Variants in TBR1 observed in about 807,000 individuals in gnomAD.
The protein encoded by TBR1 is T-box brain protein 1.
Under a neutral mutation model 60.3 loss-of-function variants are expected in TBR1, and 7 were observed. The ratio of observed to expected loss-of-function variants is 0.12; its 90% CI spans 0.07 to 0.22. TBR1 has a LOEUF of 0.22. TBR1 is among the 10% of genes least tolerant of loss of function. The pLI is 1.00. For synonymous variants in TBR1, 417 were observed against 409.9 expected (o/e 1.02, Z -0.21); for missense variants, 616 against 936.8 (o/e 0.66, Z 4.47).
intron 3 of TBR1, chr2:161,418,623 G>A (rs75192661): frequency 3.6e-6 from 2 of 551,554 alleles, no homozygotes; most frequent in Non-Finnish European, 6.2e-6. Context: ...CCTCCTTACA[G>A]GAGGACTAGG....
chr2:161,419,199 G>A (rs1684185619), intron 4 of TBR1, 149 bp downstream of exon 4: 1 of 1,163,526 alleles, frequency 8.6e-7, no homozygotes, highest in Non-Finnish European at 1.2e-6. Flanking sequence ...CTTAGGGCTC[G>A]GGGCCTGCCC....
At chr2:161,420,100 C>T (rs1684203167) in intron 4 of TBR1, 96 bp from the exon 5 acceptor site, 1 of 1,015,664 alleles carries the variant, frequency 9.8e-7, no homozygotes, top group Non-Finnish European at 1.5e-6. Flanking sequence ...AAATTGTAGG[C>T]CTTAAGCCCC....
At position 161,424,826 on chromosome 2, in the gene TBR1, G is replaced by A. The variant is rs1204665051; in HGVS notation, c.*599G>A. On this transcript the variant is annotated 3_prime_UTR_variant, in exon 6 of 6. Coordinates refer to ENST00000389554, the MANE Select transcript of TBR1 (RefSeq NM_006593.4). This position sits in a 1 kb window ranked among gnomAD's most constrained non-coding sequence, Gnocchi z 4.4. ...TTATTCTCGTCAAGGCACAAAACCAGTTCATGCTTAACCTTTTTTTCCTTT... is the reference window on the plus strand; with the variant it reads ...TTATTCTCGTCAAGGCACAAAACCAATTCATGCTTAACCTTTTTTTCCTTT... 1 of 152,652 alleles carries A rather than the reference G, an allele frequency of 6.6e-6. No homozygotes were observed. The highest frequency in any genetic ancestry group is 2.4e-5 in the African/African-American group (1 of 41,446). 9.5% of individuals were successfully genotyped at this position (152,652 alleles called of 1,614,324 possible).
At position 161,423,389 on chromosome 2, in the gene TBR1, T is replaced by C; in HGVS notation, c.1211T>C (p.Met404Thr). ...NYDTIYTGCDMDRLTPSPNDS... is the reference protein window; with the variant it reads ...NYDTIYTGCDTDRLTPSPNDS... Reference sequence around the variant, plus strand: ...CGCAGGATCTACACCGGCTGTGACATGGACCGCCTGACCCCCTCGCCCAAC... The same window carrying C: ...CGCAGGATCTACACCGGCTGTGACACGGACCGCCTGACCCCCTCGCCCAAC... The change falls in exon 6 of 6, where the codon ATG becomes ACG. Residue 404 changes from methionine (M) to threonine (T), a missense_variant. Met to Thr is a moderately conservative substitution (Grantham distance 81). Coordinates refer to ENST00000389554, the MANE Select transcript of TBR1 (RefSeq NM_006593.4). The C allele has an allele frequency of 2.1e-6, 3 of 1,406,872 alleles. No individual in the cohort carries two copies. Among genetic ancestry groups the C allele is most frequent in the Non-Finnish European group, 2.8e-6 (3 of 1,056,368 alleles). The allele number at this position is 1,406,872 out of a possible 1,614,324, so 87.1% of individuals were successfully genotyped here. A position where few individuals can be genotyped will look rare whatever the true frequency, so the allele number is the denominator to read the frequency against.
intron 3 of TBR1, 104 bp downstream of exon 3, chr2:161,418,426 T>C: frequency 1.4e-6 from 2 of 1,436,556 alleles, no homozygotes; most frequent in Non-Finnish European, 1.9e-6. Context: ...ACACGTTTCT[T>C]TGCTTCATTA....
intron 3 of TBR1, 37 bp from the exon 4 acceptor site, chr2:161,418,855 A>C (rs1684179340): frequency 2.5e-6 from 4 of 1,595,390 alleles, no homozygotes; most frequent in Non-Finnish European, 3.4e-6. Context: ...CCGCGTTAAC[A>C]CGCCACCCGG....
chr2:161,424,241 G>C lies in TBR1; in HGVS notation c.*14G>C, dbSNP rs868241260. The C allele has an allele frequency of 1.3e-6, 2 of 1,531,622 alleles. No homozygotes were observed. The highest frequency in any genetic ancestry group is 1.8e-6 in the Non-Finnish European group (2 of 1,132,504). The allele number at this position is 1,531,622 out of a possible 1,614,324, so 94.9% of individuals were successfully genotyped here. ...TCGCACAGCTAGGCCGCCCCTGCCC[G>C]CCCGGCCCCGCCGCGGCCCGGACCC... On this transcript the variant is annotated 3_prime_UTR_variant, in exon 6 of 6. Transcript: ENST00000389554. The surrounding 1 kb of genome is among the most constrained non-coding windows in gnomAD (Gnocchi z 4.4).
intron 3 of TBR1, 152 bp from the exon 4 acceptor site, chr2:161,418,725 CCCAGCCAGCCAGCCG>C: frequency 1.0e-6 from 1 of 968,964 alleles, no homozygotes; most frequent in East Asian, 3.0e-5. Context: ...GCCGGTCTGC[CCCAGCCAGCCAGCCG>C]CCAGCCAGGC....
At position 161,424,706 on chromosome 2, in the gene TBR1, A is replaced by G. The variant is rs1452172616; in HGVS notation, c.*479A>G. 1 of 155,518 alleles carries G rather than the reference A, an allele frequency of 6.4e-6. No individual in the cohort carries two copies. Among genetic ancestry groups the G allele is most frequent in the Non-Finnish European group, 1.4e-5 (1 of 70,030 alleles). The allele number at this position is 155,518 out of a possible 1,614,324, so 9.6% of individuals were successfully genotyped here. On this transcript the variant is annotated 3_prime_UTR_variant, in exon 6 of 6. Transcript: ENST00000389554. This position sits in a 1 kb window ranked among gnomAD's most constrained non-coding sequence, Gnocchi z 4.4. ...TTCTTATCCCCGAGTGGATGGATGG[A>G]TGGATGGATGGTAGGGATGTTAATA...
rs751637728 is a variant in TBR1, at chr2:161,424,276, C to T, written c.*49C>T. 2.7e-6 allele frequency: 4 copies of T among 1,494,614 alleles called. No homozygotes were observed. In the South Asian group the frequency reaches 5.3e-5, roughly 20 times the overall value. 92.6% of individuals were successfully genotyped at this position (1,494,614 alleles called of 1,614,324 possible). On this transcript the variant is annotated 3_prime_UTR_variant, in exon 6 of 6. Coordinates refer to ENST00000389554, the MANE Select transcript of TBR1 (RefSeq NM_006593.4). This position sits in a 1 kb window ranked among gnomAD's most constrained non-coding sequence, Gnocchi z 4.4. The stretch of plus-strand genomic sequence containing the variant: ...GCCGCGGCCCGGACCCCCAGCCAGC[C>T]CCTCACAGCTCTTCCCCAGCTCCGC...
At position 161,425,777 on chromosome 2, in the gene TBR1, A is replaced by G. The variant is rs938908013; in HGVS notation, c.*1550A>G. On this transcript the variant is annotated 3_prime_UTR_variant, in exon 6 of 6. Transcript: ENST00000389554. The stretch of plus-strand genomic sequence containing the variant: ...GTTTTGTCTGTGAACTGAATAATTT[A>G]TACAAGAACACACTCCATTGAGAAA... The G allele has an allele frequency of 3.3e-5, 5 of 152,226 alleles. No individual in the cohort carries two copies. The highest frequency in any genetic ancestry group is 1.2e-4 in the African/African-American group (5 of 41,444). The allele number at this position is 152,226 out of a possible 1,614,324, so 9.4% of individuals were successfully genotyped here.
At position 161,416,627 on chromosome 2, in the gene TBR1, G is replaced by T. The variant is rs1401711125; in HGVS notation, c.217G>T (p.Asp73Tyr). The T allele has an allele frequency of 6.2e-7, 1 of 1,614,020 alleles. No homozygotes were observed. Among genetic ancestry groups the T allele is most frequent in the African/African-American group, 1.3e-5 (1 of 74,902 alleles). ...TACAGACAATTTTCCTGACTCCAAG[G>T]ACTCACCAGGGGACGTCCAGAGAAG... is the stretch of plus-strand genomic sequence containing the variant. ...SDTDNFPDSK[D>Y]SPGDVQRSKL... The change falls in exon 1 of 6, where the codon GAC becomes TAC. Residue 73 changes from aspartate (D) to tyrosine (Y), a missense_variant. Around this residue, in one of 8 missense-constraint regions of TBR1, gnomAD observed 211 missense variants for 268.7 expected, o/e 0.79. Transcript: ENST00000389554. This position sits in a 1 kb window ranked among gnomAD's most constrained non-coding sequence, Gnocchi z 6.1.
Position 161,420,196 on chromosome 2 carries a change from A to G in TBR1, c.1129A>G (p.Ile377Val). 6.2e-7 allele frequency: 1 copy of G among 1,613,024 alleles called. No homozygotes were observed. The highest frequency in any genetic ancestry group is 8.5e-7 in the Non-Finnish European group (1 of 1,179,486). ...AACATTCATTTTTTTTCTTTGCCAG[A>G]TTACACAACTGAAAATAGATCACAA... ...IAVTAYQNTD[I>V]TQLKIDHNPF... The change falls in exon 5 of 6, where the codon ATT becomes GTT. Residue 377 changes from isoleucine (I) to valine (V), a missense_variant and splice_region_variant. Ile to Val is a conservative substitution (Grantham distance 29). Coordinates refer to ENST00000389554, the MANE Select transcript of TBR1 (RefSeq NM_006593.4).
Position 161,423,756 on chromosome 2 carries a change from G to A in TBR1, c.1578G>A (p.Leu526=), listed in dbSNP as rs781219696. 20 of 1,494,606 alleles carry A rather than the reference G, an allele frequency of 1.3e-5. No individual in the cohort carries two copies. The allele number at this position is 1,494,606 out of a possible 1,614,324, so 92.6% of individuals were successfully genotyped here. Residue 526 remains leucine (L), a synonymous_variant, in exon 6 of 6, where the codon CTG becomes CTA. Coordinates refer to ENST00000389554, the MANE Select transcript of TBR1 (RefSeq NM_006593.4). ...YAAAGVKALP[L]QAAGCTGRPL... is the part of the protein sequence containing the mutation. The stretch of plus-strand genomic sequence containing the variant: ...CGGCGGGCGTGAAGGCGCTGCCGCT[G>A]CAGGCTGCAGGCTGCACTGGCCGCC...
intron 3 of TBR1, 90 bp from the exon 4 acceptor site, chr2:161,418,802 G>T: frequency 2.0e-6 from 3 of 1,501,542 alleles, no homozygotes; most frequent in Middle Eastern, 2.3e-4. Context: ...GCCTCCGCCG[G>T]CCCGGGCGCG....
chr2:161,417,822 A>C lies in TBR1; in HGVS notation c.839A>C (p.Asn280Thr). ...KWVPCGKADT[N>T]VQGNRVYMHP... ...GTTCCTTGCGGCAAAGCGGACACCA[A>C]TGTGCAAGGCAAGTCCTTCCAATTA... The change falls in exon 2 of 6, where the codon AAT becomes ACT. Residue 280 changes from asparagine (N) to threonine (T), a missense_variant. Around this residue, in one of 8 missense-constraint regions of TBR1, gnomAD observed 85 missense variants for 164.9 expected, o/e 0.52. Coordinates refer to ENST00000389554, the MANE Select transcript of TBR1 (RefSeq NM_006593.4). This position sits in a 1 kb window ranked among gnomAD's most constrained non-coding sequence, Gnocchi z 5.3. 6.2e-7 allele frequency: 1 copy of C among 1,614,070 alleles called. No homozygotes were observed. Among genetic ancestry groups the C allele is most frequent in the Non-Finnish European group, 8.5e-7 (1 of 1,179,996 alleles).
In TBR1 at chr2:161,416,653, T is replaced by C. The variant is rs1559059874; in HGVS notation, c.243T>C (p.Ser81=). The C allele has an allele frequency of 7.4e-6, 12 of 1,614,182 alleles. No homozygotes were observed. Among genetic ancestry groups the C allele is most frequent in the Non-Finnish European group, 8.5e-6 (10 of 1,180,034 alleles). The change falls in exon 1 of 6, where the codon AGT becomes AGC. Residue 81 remains serine, a synonymous_variant. Coordinates refer to ENST00000389554, the MANE Select transcript of TBR1 (RefSeq NM_006593.4). The surrounding 1 kb of genome is among the most constrained non-coding windows in gnomAD (Gnocchi z 6.1). ...SKDSPGDVQR[S]KLSPVLDGVS... is the part of the protein sequence containing the mutation. ...ACTCACCAGGGGACGTCCAGAGAAG[T>C]AAACTCTCTCCTGTCTTGGACGGGG...
chr2:161,417,386 A>G lies in TBR1; in HGVS notation c.692+284A>G. On this transcript the variant is annotated intron_variant, in intron 1 of 5. Coordinates refer to ENST00000389554, the MANE Select transcript of TBR1 (RefSeq NM_006593.4). This position sits in a 1 kb window ranked among gnomAD's most constrained non-coding sequence, Gnocchi z 5.3. ...AGCGGCTGGGCGATGGGAGGGACGC[A>G]TCAACACTGGCATGCACGGACAGGT... 2 of 557,532 alleles carry G rather than the reference A, an allele frequency of 3.6e-6. No individual in the cohort carries two copies. The highest frequency in any genetic ancestry group is 6.3e-6 in the Non-Finnish European group (2 of 318,156). 34.5% of individuals were successfully genotyped at this position (557,532 alleles called of 1,614,324 possible).
chr2:161,423,109 T>A (rs1684257645), intron 5 of TBR1: 1 of 367,568 alleles, frequency 2.7e-6, no homozygotes, highest in Non-Finnish European at 4.8e-6. Context: ...AAGAGGGAAG[T>A]CGTTCCCTTG....
Sources: allele counts gnomAD v4.1 joint callset, GRCh38; gene constraint gnomAD v4.1.1; regional missense constraint gnomAD v4.1.1; non-coding constraint Gnocchi (gnomAD v3.1); transcripts MANE v1.5; gene names NCBI Gene and HGNC (gene_info 2026-07-23, HGNC 2026-07-21).